Variants in SLC2A13 observed in about 807,000 individuals in gnomAD.
The protein encoded by SLC2A13 is solute carrier family 2 member 13, also known as proton myo-inositol cotransporter.
SLC2A13 carries 32 observed loss-of-function variants against 64.4 expected under a neutral mutation model. The ratio of observed to expected loss-of-function variants is 0.50; its 90% CI spans 0.37 to 0.67. SLC2A13 has a LOEUF of 0.67. SLC2A13 is among the 30% of genes least tolerant of loss of function. SLC2A13 has a pLI of 0.00. For synonymous variants in SLC2A13, 338 were observed against 327.1 expected (o/e 1.03, Z -0.36); for missense variants, 743 against 829.2 (o/e 0.90, Z 1.28).
chr12:40,046,938 G>A (rs916864846), intron 2 of SLC2A13, among the ~76,000 whole-genome samples: 2 of 149,440 alleles, frequency 1.3e-5, no homozygotes, highest in Non-Finnish European at 3.0e-5. Context: ...GTCTCGCTCT[G>A]TTGTCCAGGC....
chr12:39,812,103 G>A (rs1942179504), intron 7 of SLC2A13, among the ~76,000 whole-genome samples: 1 of 152,080 alleles, frequency 6.6e-6, no homozygotes, highest in African/African-American at 2.4e-5. Flanking sequence ...TCAGGGTTTT[G>A]GAGGCTGGGA....
chr12:40,074,898 G>A (rs887706731), intron 1 of SLC2A13, among the ~76,000 whole-genome samples: 1 of 152,150 alleles, frequency 6.6e-6, no homozygotes, highest in Non-Finnish European at 1.5e-5. Context: ...GTGCTTCTCA[G>A]TTCTCTTCTC....
chr12:39,755,394 T>C lies in SLC2A13; in HGVS notation c.*4632A>G, dbSNP rs1357030363. ...TACATATATTTTAAAAGCATAAAAC[T>C]GTGATTTGATTTAATCTAGGTATAC... is the stretch of plus-strand genomic sequence containing the variant. On this transcript the variant is annotated 3_prime_UTR_variant, in exon 10 of 10. Transcript: ENST00000280871. The C allele has an allele frequency of 6.6e-6, 1 of 152,040 alleles. No homozygotes were observed. Among genetic ancestry groups the C allele is most frequent in the Non-Finnish European group, 1.5e-5 (1 of 67,898 alleles). The allele number at this position is 152,040 out of a possible 1,614,324, so 9.4% of individuals were successfully genotyped here.
chr12:39,895,517 TATATA>T (rs1565525711), intron 4 of SLC2A13, among the ~76,000 whole-genome samples: 38 of 924 alleles, frequency 0.041, no homozygotes, highest in Non-Finnish European at 0.047. Flanking sequence ...AAAAAAATTA[TATATA>T]TATATATATA....
At chr12:40,048,900 C>T (rs960385971) in intron 1 of SLC2A13, among the ~76,000 whole-genome samples, 10 of 152,116 alleles carry the variant, frequency 6.6e-5, no homozygotes, top group Non-Finnish European at 4.4e-5. Context: ...GCTCTTACCT[C>T]ACCCACCTCA....
At chr12:39,826,492 G>A (rs1311251033) in intron 7 of SLC2A13, among the ~76,000 whole-genome samples, 1 of 138,000 alleles carries the variant, frequency 7.2e-6, no homozygotes, top group African/African-American at 2.7e-5. Flanking sequence ...ACTATACTTT[G>A]AGTCTCTTAT....
At chr12:39,967,614 T>G (rs1946544389) in intron 3 of SLC2A13, among the ~76,000 whole-genome samples, 1 of 152,236 alleles carries the variant, frequency 6.6e-6, no homozygotes, top group Admixed American at 6.5e-5. Flanking sequence ...TCCCATTCAT[T>G]ATTCATCAAG....
At chr12:39,870,659 A>G (rs1944023908) in intron 5 of SLC2A13, among the ~76,000 whole-genome samples, 1 of 152,218 alleles carries the variant, frequency 6.6e-6, no homozygotes, top group Admixed American at 6.5e-5. Context: ...TTAGTTCAGT[A>G]TATATCCTGG....
rs78066616 is a variant in SLC2A13 at position 39,865,818 on chromosome 12, C to G, written c.1199-936G>C. Among the ~76,000 whole-genome samples, 1,165 of 152,240 alleles carry G rather than the reference C, an allele frequency of 7.7e-3. 23 individuals carry two copies. The highest frequency in any genetic ancestry group is 0.027 in the African/African-American group (1,105 of 41,534). On this transcript the variant is annotated intron_variant, in intron 5 of 9. Coordinates refer to ENST00000280871, the MANE Select transcript of SLC2A13 (RefSeq NM_052885.4). ...GCATGTTCTCATTTAAAAGTTGGAGCTGCATGATAAAAACACACGGATACA... is the reference window on the plus strand; with the variant it reads ...GCATGTTCTCATTTAAAAGTTGGAGGTGCATGATAAAAACACACGGATACA...
intron 2 of SLC2A13, among the ~76,000 whole-genome samples, chr12:40,033,749 C>T (rs1186845268): frequency 6.6e-6 from 1 of 151,950 alleles, no homozygotes; most frequent in African/African-American, 2.4e-5. Flanking sequence ...ATTTGGATAA[C>T]AAGAAGGTAG....
At chr12:40,092,110 T>A (rs1488107034) in intron 1 of SLC2A13, among the ~76,000 whole-genome samples, 1 of 151,964 alleles carries the variant, frequency 6.6e-6, no homozygotes, top group Non-Finnish European at 1.5e-5. Context: ...TAGAGAGAGG[T>A]ATAATAAGGT....
chr12:39,841,754 A>G (rs990949098), intron 6 of SLC2A13, among the ~76,000 whole-genome samples: 2 of 152,054 alleles, frequency 1.3e-5, no homozygotes, highest in African/African-American at 4.8e-5. Flanking sequence ...AACAGTAACT[A>G]ATCTTCTCTG....
At chr12:40,028,910 G>C (rs554210780) in intron 2 of SLC2A13, among the ~76,000 whole-genome samples, 1 of 152,150 alleles carries the variant, frequency 6.6e-6, no homozygotes, top group Admixed American at 6.5e-5. Flanking sequence ...CTGCTTAAAA[G>C]GCACACTTTT....
intron 1 of SLC2A13, among the ~76,000 whole-genome samples, chr12:40,089,373 CAA>C (rs1314885259): frequency 6.6e-6 from 1 of 151,946 alleles, no homozygotes; most frequent in Non-Finnish European, 1.5e-5. Context: ...ATAGAAGTTA[CAA>C]AAAAAGAGAC....
At chr12:40,048,008 A>C in intron 2 of SLC2A13, 43 bp downstream of exon 2, 1 of 1,539,970 alleles carries the variant, frequency 6.5e-7, no homozygotes. Flanking sequence ...CCCTTCCCCA[A>C]AATCAAGATT....
chr12:39,967,117 C>A (rs1946532680), intron 3 of SLC2A13, among the ~76,000 whole-genome samples: 1 of 152,082 alleles, frequency 6.6e-6, no homozygotes, highest in East Asian at 1.9e-4. Flanking sequence ...TTGCTTTGAT[C>A]CAGCTACTTT....
rs776565219 is a variant in SLC2A13 at position 39,864,820 on chromosome 12, G to T, written c.1261C>A (p.Arg421Ser). 6.2e-7 allele frequency: 1 copy of T among 1,613,982 alleles called. No individual in the cohort carries two copies. The highest frequency in any genetic ancestry group is 1.1e-5 in the South Asian group (1 of 91,074). ...GFVLSAQVSPRITFKPIAPSG... is the reference protein window; with the variant it reads ...GFVLSAQVSPSITFKPIAPSG... The stretch of plus-strand genomic sequence containing the variant: ...GGAGCTATTGGCTTAAAAGTGATGC[G>T]TGGGGAAACTTGGGCTGATAGCACA... The change falls in exon 6 of 10, where the codon CGC becomes AGC. Residue 421 changes from arginine (R) to serine (S), a missense_variant. By Grantham distance (110) the Arg-to-Ser change is moderately radical. Transcript: ENST00000280871.
At chr12:39,939,171 C>T (rs1407754345) in intron 4 of SLC2A13, among the ~76,000 whole-genome samples, 1 of 152,146 alleles carries the variant, frequency 6.6e-6, no homozygotes, top group African/African-American at 2.4e-5. Flanking sequence ...TTCTCTATTC[C>T]ACTTCCCTTA....
chr12:39,820,130 G>GA (rs966537507), intron 7 of SLC2A13, among the ~76,000 whole-genome samples: 34 of 151,242 alleles, frequency 2.2e-4, no homozygotes, highest in Middle Eastern at 3.4e-3. Flanking sequence ...ACAACAAAAA[G>GA]AAAAAAAATG....
Sources: gnomAD v4.1 joint callset for allele counts (sites outside exome capture counted in the v4.1 genomes callset) on GRCh38, gnomAD v4.1.1 for gene constraint, MANE v1.5 for transcripts, NCBI Gene and HGNC (gene_info 2026-07-23, HGNC 2026-07-21) for gene names.